The following GABRB1 variants were observed in gnomAD, a reference collection of about 807,000 sequenced individuals.
GABRB1 encodes gamma-aminobutyric acid type A receptor subunit beta1.
In GABRB1, 17 loss-of-function variants were observed where a neutral mutation model predicts 51.6. That is an observed-to-expected ratio of 0.33 (90% CI 0.23 to 0.49). GABRB1 has a LOEUF of 0.49. Among genes scored for constraint, GABRB1 ranks in the 20% least tolerant of loss-of-function variants. The pLI is 0.99. For missense variants in GABRB1, 410 were observed against 600.6 expected (o/e 0.68, Z 3.32); for synonymous variants, 247 against 218.9 (o/e 1.13, Z -1.14).
intron 3 of GABRB1, among the ~76,000 whole-genome samples, chr4:47,127,279 T>C (rs769448302): frequency 3.3e-5 from 5 of 151,766 alleles, no homozygotes; most frequent in Non-Finnish European, 7.4e-5. Context: ...ACTGGAATTG[T>C]AAAACAGATT....
intron 8 of GABRB1, among the ~76,000 whole-genome samples, chr4:47,412,846 C>T (rs976177715): frequency 2.6e-5 from 4 of 152,172 alleles, no homozygotes; most frequent in African/African-American, 9.7e-5. Flanking sequence ...ACCAGGTCTT[C>T]CATTTGCATA....
intron 3 of GABRB1, among the ~76,000 whole-genome samples, chr4:47,142,972 C>T (rs1479706457): frequency 6.6e-6 from 1 of 151,848 alleles, no homozygotes; most frequent in African/African-American, 2.4e-5. Flanking sequence ...TTCACCTAGT[C>T]CTCATGAAAA....
chr4:47,346,667 A>G (rs1333661087), intron 5 of GABRB1, among the ~76,000 whole-genome samples: 3 of 152,248 alleles, frequency 2.0e-5, no homozygotes, highest in Non-Finnish European at 2.9e-5. Context: ...AGCTGATAAG[A>G]AAGTCCCTAC....
intron 4 of GABRB1, among the ~76,000 whole-genome samples, chr4:47,310,085 C>T (rs771477129): frequency 1.7e-3 from 254 of 152,244 alleles, no homozygotes; most frequent in Non-Finnish European, 2.5e-3. Flanking sequence ...GTCCAAGTTG[C>T]CACCACCCAA....
intron 3 of GABRB1, among the ~76,000 whole-genome samples, chr4:47,077,175 TGTACCGGA>T (rs1196421987): frequency 6.6e-6 from 1 of 152,142 alleles, no homozygotes; most frequent in Admixed American, 6.6e-5. Context: ...TCTATCGAAA[TGTACCGGA>T]GTCCCAAAAC....
chr4:47,287,921 C>A (rs2109917283), intron 4 of GABRB1, among the ~76,000 whole-genome samples: 1 of 152,292 alleles, frequency 6.6e-6, no homozygotes, highest in South Asian at 2.1e-4. Flanking sequence ...TGTAAATGAG[C>A]TTGAGTATGA....
At chr4:47,102,702 T>C (rs1416112283) in intron 3 of GABRB1, among the ~76,000 whole-genome samples, 1 of 151,742 alleles carries the variant, frequency 6.6e-6, no homozygotes, top group Non-Finnish European at 1.5e-5. Context: ...CCTGAAAGTG[T>C]TGAGAGATGA....
intron 3 of GABRB1, among the ~76,000 whole-genome samples, chr4:47,111,802 C>A (rs1195469899): frequency 6.6e-6 from 1 of 152,004 alleles, no homozygotes; most frequent in African/African-American, 2.4e-5. Flanking sequence ...GAGATCGAGG[C>A]TGAAGTGAGC....
intron 1 of GABRB1, among the ~76,000 whole-genome samples, chr4:47,014,308 A>C (rs1008026157): frequency 2.0e-5 from 3 of 152,198 alleles, no homozygotes; most frequent in Non-Finnish European, 4.4e-5. Context: ...AAACACTTGC[A>C]GCTAGCTATT....
intron 8 of GABRB1, among the ~76,000 whole-genome samples, chr4:47,423,803 T>C (rs34022241): frequency 0.1 from 15,614 of 152,248 alleles, 869 homozygotes; most frequent in Middle Eastern, 0.15. Flanking sequence ...CTTTGAGCCT[T>C]GGTTTTCCTG....
intron 4 of GABRB1, among the ~76,000 whole-genome samples, chr4:47,178,641 T>C (rs944017818): frequency 6.6e-6 from 1 of 152,046 alleles, no homozygotes; most frequent in African/African-American, 2.4e-5. Flanking sequence ...ATATAAAGAG[T>C]CATTTTTATT....
chr4:47,280,920 C>T (rs547286077), intron 4 of GABRB1, among the ~76,000 whole-genome samples: 2 of 150,598 alleles, frequency 1.3e-5, no homozygotes, highest in South Asian at 2.1e-4. Flanking sequence ...TCCCGAAGTG[C>T]TGGATTACAG....
chr4:47,144,948 A>G (rs993387023), intron 3 of GABRB1, among the ~76,000 whole-genome samples: 1 of 152,010 alleles, frequency 6.6e-6, no homozygotes, highest in Non-Finnish European at 1.5e-5. Flanking sequence ...TTAACAAAGT[A>G]ACAAACTGTA....
At chr4:47,045,353 A>G (rs905422041) in intron 3 of GABRB1, among the ~76,000 whole-genome samples, 1 of 152,072 alleles carries the variant, frequency 6.6e-6, no homozygotes, top group African/African-American at 2.4e-5. Flanking sequence ...TAAATGAGAT[A>G]ATGTGTACAA....
intron 3 of GABRB1, among the ~76,000 whole-genome samples, chr4:47,063,803 C>T (rs932927488): frequency 2.6e-5 from 4 of 152,156 alleles, no homozygotes; most frequent in Non-Finnish European, 4.4e-5. Flanking sequence ...CCAAACACCA[C>T]GTGCCCTCAC....
At chr4:47,067,532 T>C (rs904604748) in intron 3 of GABRB1, among the ~76,000 whole-genome samples, 1 of 152,200 alleles carries the variant, frequency 6.6e-6, no homozygotes, top group African/African-American at 2.4e-5. Flanking sequence ...TTGTAGCAGC[T>C]TCTACATTAA....
chr4:47,414,146 G>A (rs1193811531), intron 8 of GABRB1, among the ~76,000 whole-genome samples: 2 of 152,286 alleles, frequency 1.3e-5, no homozygotes, highest in South Asian at 4.1e-4. Context: ...GACACCAGAG[G>A]AATCTGCCAA....
chr4:47,266,359 T>G (rs1341013088), intron 4 of GABRB1, among the ~76,000 whole-genome samples: 2 of 152,212 alleles, frequency 1.3e-5, no homozygotes, highest in East Asian at 3.8e-4. Flanking sequence ...AGTAATGTGA[T>G]GCCTCCAGCT....
intron 3 of GABRB1, among the ~76,000 whole-genome samples, chr4:47,095,142 T>A (rs1262463939): frequency 6.6e-6 from 1 of 152,062 alleles, no homozygotes; most frequent in Non-Finnish European, 1.5e-5. Context: ...TAGGACACAA[T>A]GCTTTTGAAT....
Sources: gnomAD v4.1 joint callset for allele counts (sites outside exome capture counted in the v4.1 genomes callset) on GRCh38, gnomAD v4.1.1 for gene constraint, MANE v1.5 for transcripts, NCBI Gene and HGNC (gene_info 2026-07-23, HGNC 2026-07-21) for gene names.